The following ARPC5 variants were observed in gnomAD, a reference collection of about 807,000 sequenced individuals.
ARPC5 encodes actin-related protein 2/3 complex subunit 5.
ARPC5 carries 5 observed loss-of-function variants against 15.4 expected under a neutral mutation model. The ratio of observed to expected loss-of-function variants is 0.32; its 90% CI spans 0.17 to 0.68. The LOEUF is 0.68. Among genes scored for constraint, ARPC5 ranks in the 30% least tolerant of loss-of-function variants. The pLI, the probability that ARPC5 is intolerant of heterozygous loss-of-function variation, is 0.71. For missense variants in ARPC5, 138 were observed against 192.8 expected (o/e 0.72, Z 1.68); for synonymous variants, 85 against 72.2 (o/e 1.18, Z -0.90).
intron 3 of ARPC5, among the ~76,000 whole-genome samples, chr1:183,629,731 T>C (rs1232789789): frequency 2.6e-5 from 4 of 152,234 alleles, no homozygotes; most frequent in Non-Finnish European, 5.9e-5. Context: ...TTGTAAAATA[T>C]CTAACACAAA....
rs2767301 is a variant in ARPC5 at position 183,621,777 on chromosome 1, G to T, written c.*5755C>A. On this transcript the variant is annotated 3_prime_UTR_variant, in exon 4 of 4. Transcript: ENST00000359856. ...CGGTGGGAGCGTAGCGGTGAGGATG[G>T]CCAGAGGCAGAGGTCACTTTCATTG... 2 of 152,150 alleles carry T rather than the reference G, an allele frequency of 1.3e-5. No individual in the cohort carries two copies. Among genetic ancestry groups the T allele is most frequent in the African/African-American group, 4.8e-5 (2 of 41,498 alleles). The allele number at this position is 152,150 out of a possible 1,614,324, so 9.4% of individuals were successfully genotyped here. A position where few individuals can be genotyped will look rare whatever the true frequency, so the allele number is the denominator to read the frequency against.
chr1:183,633,323 T>G, intron 1 of ARPC5, 169 bp from the exon 2 acceptor site: 1 of 501,728 alleles, frequency 2.0e-6, no homozygotes, highest in Non-Finnish European at 3.5e-6. Flanking sequence ...AGGCAAAATA[T>G]CAAAAGCAAA....
chr1:183,622,670 C>G lies in ARPC5; in HGVS notation c.*4862G>C, dbSNP rs1648971405. On this transcript the variant is annotated 3_prime_UTR_variant, in exon 4 of 4. Transcript: ENST00000359856. ...AAACTCCCATAGTGCCACTGTTAGC[C>G]AGATATGAGCTGGAATTCTGTTCCT... is the stretch of plus-strand genomic sequence containing the variant. The G allele has an allele frequency of 6.6e-6, 1 of 152,172 alleles. No homozygotes were observed. The highest frequency in any genetic ancestry group is 1.5e-5 in the Non-Finnish European group (1 of 68,054). The allele number at this position is 152,172 out of a possible 1,614,324, so 9.4% of individuals were successfully genotyped here.
chr1:183,633,995 T>TAA (rs1649342986), intron 1 of ARPC5: 1 of 152,256 alleles, frequency 6.6e-6, no homozygotes, highest in African/African-American at 2.4e-5. Flanking sequence ...ACAGTATCTT[T>TAA]ATATTTTAAG....
At chr1:183,629,233 ATAAG>A (rs1451694313) in intron 3 of ARPC5, among the ~76,000 whole-genome samples, 4 of 152,232 alleles carry the variant, frequency 2.6e-5, no homozygotes, top group Non-Finnish European at 2.9e-5. Context: ...GTGGAATATA[ATAAG>A]TAATCAATGT....
intron 2 of ARPC5, chr1:183,632,310 C>G (rs1649290772): frequency 1.3e-5 from 2 of 152,102 alleles, no homozygotes; most frequent in African/African-American, 4.8e-5. Flanking sequence ...TTTGGCAATA[C>G]TGCATACCAA....
intron 2 of ARPC5, chr1:183,631,840 C>T (rs1013404119): frequency 2.8e-4 from 42 of 152,184 alleles, no homozygotes; most frequent in African/African-American, 9.6e-4. Context: ...CTTACCCATC[C>T]GGCCAAGCAA....
rs138086904 is a variant in ARPC5, at chr1:183,633,112, G to C, written c.186C>G (p.Pro62=). 9 of 1,604,724 alleles carry C rather than the reference G, an allele frequency of 5.6e-6. No individual in the cohort carries two copies. Among genetic ancestry groups the C allele is most frequent in the Non-Finnish European group, 6.8e-6 (8 of 1,176,228 alleles). The part of the protein sequence containing the change: ...TAALQAALKN[P]PINTKSQAVK... ...CTGCCTGACTCTTGGTGTTGATAGGGGGGTTCTTCAGAGCTGCCTGTAGGG... is the reference window on the plus strand; with the variant it reads ...CTGCCTGACTCTTGGTGTTGATAGGCGGGTTCTTCAGAGCTGCCTGTAGGG... Residue 62 remains proline (P), a synonymous_variant, in exon 2 of 4, where the codon CCC becomes CCG. Transcript: ENST00000359856.
At position 183,625,255 on chromosome 1, in the gene ARPC5, C is replaced by T. The variant is rs920631445; in HGVS notation, c.*2277G>A. 1 of 152,206 alleles carries T rather than the reference C, an allele frequency of 6.6e-6. No individual in the cohort carries two copies. Among genetic ancestry groups the T allele is most frequent in the African/African-American group, 2.4e-5 (1 of 41,458 alleles). The allele number at this position is 152,206 out of a possible 1,614,324, so 9.4% of individuals were successfully genotyped here. On this transcript the variant is annotated 3_prime_UTR_variant, in exon 4 of 4. Coordinates refer to ENST00000359856, the MANE Select transcript of ARPC5 (RefSeq NM_005717.4). The stretch of plus-strand genomic sequence containing the variant: ...TCATGGTTACTATACCCTGGGCTGA[C>T]ATTTAGTCAGGAGGCAACAGTTGAA...
At chr1:183,630,299 C>T in intron 3 of ARPC5, 162 bp downstream of exon 3, 2 of 504,638 alleles carry the variant, frequency 4.0e-6, no homozygotes, top group Admixed American at 3.9e-5. Flanking sequence ...CTCTTAAGAC[C>T]AAGGCTAGTA....
chr1:183,633,223 T>C (rs1649318964), intron 1 of ARPC5, 69 bp from the exon 2 acceptor site: 1 of 1,065,886 alleles, frequency 9.4e-7, no homozygotes, highest in Middle Eastern at 2.1e-4. Context: ...CTGGTTCTTA[T>C]GACTTGATTT....
chr1:183,630,170 G>T (rs1045097121), intron 3 of ARPC5, among the ~76,000 whole-genome samples: 1 of 152,178 alleles, frequency 6.6e-6, no homozygotes, highest in African/African-American at 2.4e-5. Flanking sequence ...CACTGTGAAA[G>T]AATTCTTGAT....
chr1:183,633,655 T>C lies in ARPC5; in HGVS notation c.144-501A>G, dbSNP rs554555054. Reference sequence around the variant, plus strand: ...GATTAGCAATCTGAATGATACACATTAGCAATCTCTCAATATTGATGAAAA... The same window carrying C: ...GATTAGCAATCTGAATGATACACATCAGCAATCTCTCAATATTGATGAAAA... On this transcript the variant is annotated intron_variant, in intron 1 of 3. Coordinates refer to ENST00000359856, the MANE Select transcript of ARPC5 (RefSeq NM_005717.4). The C allele has an allele frequency of 3.3e-5, 5 of 152,460 alleles. No individual in the cohort carries two copies. In the South Asian group the frequency reaches 1.0e-3, roughly 31 times the overall value. 9.4% of individuals were successfully genotyped at this position (152,460 alleles called of 1,614,324 possible). A position where few individuals can be genotyped will look rare whatever the true frequency, so the allele number is the denominator to read the frequency against.
intron 3 of ARPC5, among the ~76,000 whole-genome samples, chr1:183,628,842 A>G (rs1041979162): frequency 2.0e-5 from 3 of 152,240 alleles, no homozygotes; most frequent in African/African-American, 7.2e-5. Context: ...ATGACATGGA[A>G]GATGAAGCTA....
chr1:183,635,405 T>G, intron 1 of ARPC5, 112 bp downstream of exon 1: 1 of 1,278,322 alleles, frequency 7.8e-7, no homozygotes, highest in Non-Finnish European at 1.0e-6. Flanking sequence ...AAGCCGCAGG[T>G]TGAGAGGGCA....
Position 183,630,639 on chromosome 1 carries a change from T to C in ARPC5, c.217-2A>G. Reference sequence around the variant, plus strand: ...CAAGACAATGCTGCCTGCCCGGTCCTGGTGGGTCAATAAATAACAGAACAT... The same window carrying C: ...CAAGACAATGCTGCCTGCCCGGTCCCGGTGGGTCAATAAATAACAGAACAT... On this transcript the variant is annotated splice_acceptor_variant, in intron 2 of 3. Coordinates refer to ENST00000359856, the MANE Select transcript of ARPC5 (RefSeq NM_005717.4). LOFTEE classifies it high-confidence loss of function. 1 of 1,610,372 alleles carries C rather than the reference T, an allele frequency of 6.2e-7. No individual in the cohort carries two copies. Among genetic ancestry groups the C allele is most frequent in the Non-Finnish European group, 8.5e-7 (1 of 1,178,606 alleles).
At chr1:183,634,688 C>T (rs1360602403) in intron 1 of ARPC5, among the ~76,000 whole-genome samples, 2 of 152,134 alleles carry the variant, frequency 1.3e-5, no homozygotes, top group African/African-American at 4.8e-5. Flanking sequence ...AATGATTCTG[C>T]TTTATACGAA....
intron 1 of ARPC5, among the ~76,000 whole-genome samples, chr1:183,634,914 C>CTT (rs76444004): frequency 2.4e-5 from 3 of 125,818 alleles, no homozygotes; most frequent in Non-Finnish European, 3.1e-5. Flanking sequence ...TCTTCTTCTT[C>CTT]TTTTTTTTTT....
chr1:183,633,712 G>T (rs1043593670), intron 1 of ARPC5: 1 of 152,116 alleles, frequency 6.6e-6, no homozygotes, highest in Non-Finnish European at 1.5e-5. Flanking sequence ...TAATTCATAT[G>T]TCCCTTAGGT....
Sources: gnomAD v4.1 joint callset for allele counts (sites outside exome capture counted in the v4.1 genomes callset) on GRCh38, gnomAD v4.1.1 for gene constraint, MANE v1.5 for transcripts, NCBI Gene and HGNC (gene_info 2026-07-23, HGNC 2026-07-21) for gene names.